LIPG: variants seen among roughly 807,000 people sequenced by gnomAD.
The protein encoded by LIPG is endothelial lipase.
In LIPG, 34 loss-of-function variants were observed where a neutral mutation model predicts 51.8. That is an observed-to-expected ratio of 0.66 (90% CI 0.50 to 0.87). The LOEUF is 0.87. Ranked by LOEUF, LIPG falls within the 40% of genes least tolerant of loss-of-function variation. The probability of loss-of-function intolerance (pLI) is 0.00; values close to 1 mark genes in which losing one functional copy is unlikely to be tolerated. For synonymous variants in LIPG, 246 were observed against 246.1 expected (o/e 1.00, Z 0.00); for missense variants, 580 against 652.7 (o/e 0.89, Z 1.21).
At chr18:49,584,656 G>A (rs1416806087) in intron 8 of LIPG, among the ~76,000 whole-genome samples, 1 of 152,172 alleles carries the variant, frequency 6.6e-6, no homozygotes, top group Non-Finnish European at 1.5e-5. Flanking sequence ...TGGCAGCAGA[G>A]GGAAGTGAAG....
upstream of LIPG, chr18:49,561,837 T>G: frequency 4.0e-6 from 5 of 1,253,396 alleles, no homozygotes; most frequent in Non-Finnish European, 5.0e-6. Context: ...GAGTCGCAGC[T>G]GCCTGCGGAG....
At chr18:49,585,530 A>G (rs2084871656) in intron 8 of LIPG, among the ~76,000 whole-genome samples, 1 of 152,242 alleles carries the variant, frequency 6.6e-6, no homozygotes, top group Non-Finnish European at 1.5e-5. Context: ...TAACTCCTGT[A>G]TGTAAATCAC....
chr18:49,581,523 A>G lies in LIPG; in HGVS notation c.902A>G (p.Asn301Ser), dbSNP rs749055156. The G allele has an allele frequency of 7.4e-6, 12 of 1,614,082 alleles. No individual in the cohort carries two copies. The highest frequency in any genetic ancestry group is 1.7e-5 in the Admixed American group (1 of 60,000). ...PSFAFQCTDS[N>S]RFKKGICLSC... ...TTTGCCTTCCAGTGCACTGACTCCA[A>G]TCGCTTCAAAAAGGGGATCTGTCTG... is the stretch of plus-strand genomic sequence containing the variant. Residue 301 changes from asparagine (N) to serine (S), a missense_variant, in exon 6 of 10, where the codon AAT becomes AGT. Coordinates refer to ENST00000261292, the MANE Select transcript of LIPG (RefSeq NM_006033.4).
intron 4 of LIPG, among the ~76,000 whole-genome samples, chr18:49,571,692 C>G (rs192578874): frequency 8.5e-5 from 13 of 152,224 alleles, no homozygotes; most frequent in African/African-American, 2.9e-4. Context: ...ACAAGGTGAT[C>G]GCAACTGGTA....
Position 49,586,804 on chromosome 18 carries a change from T to A in LIPG, c.1435T>A (p.Trp479Arg). The A allele has an allele frequency of 6.2e-7, 1 of 1,614,134 alleles. No homozygotes were observed. The highest frequency in any genetic ancestry group is 1.3e-5 in the African/African-American group (1 of 75,042). ...CAGCATATCCCCAGGCCGGGAGCTC[T>A]GGTTTCGCAAGTGTCGGGATGGCTG... is the stretch of plus-strand genomic sequence containing the variant. ...NTSISPGREL[W>R]FRKCRDGWRM... The change falls in exon 9 of 10, where the codon TGG becomes AGG. Residue 479 changes from tryptophan (W) to arginine (R), a missense_variant. Coordinates refer to ENST00000261292, the MANE Select transcript of LIPG (RefSeq NM_006033.4).
rs2084932103 is a variant in LIPG, at chr18:49,590,585, G to A, written c.*63G>A. On this transcript the variant is annotated 3_prime_UTR_variant, in exon 10 of 10. Coordinates refer to ENST00000261292, the MANE Select transcript of LIPG (RefSeq NM_006033.4). ...CTTCCTGCTATCCAAGCCCATGGAGGAAAGTTACTGCTGAGGACCCACCCA... is the reference window on the plus strand; with the variant it reads ...CTTCCTGCTATCCAAGCCCATGGAGAAAAGTTACTGCTGAGGACCCACCCA... 1 of 1,520,350 alleles carries A rather than the reference G, an allele frequency of 6.6e-7. No homozygotes were observed. The highest frequency in any genetic ancestry group is 9.0e-7 in the Non-Finnish European group (1 of 1,114,060). 94.2% of individuals were successfully genotyped at this position (1,520,350 alleles called of 1,614,324 possible).
In LIPG at chr18:49,590,673, C is replaced by A. The variant is rs1600573083; in HGVS notation, c.*151C>A. 9 of 804,296 alleles carry A rather than the reference C, an allele frequency of 1.1e-5. No homozygotes were observed. The East Asian group carries it at 2.4e-4, about 21-fold the overall frequency. The allele number at this position is 804,296 out of a possible 1,614,324, so 49.8% of individuals were successfully genotyped here. ...GGGAACAACTGGTCTCCTGTGATGG[C>A]TGGGACTCCTCGCGGGAGGGGACTG... On this transcript the variant is annotated 3_prime_UTR_variant, in exon 10 of 10. Coordinates refer to ENST00000261292, the MANE Select transcript of LIPG (RefSeq NM_006033.4).
intron 7 of LIPG, among the ~76,000 whole-genome samples, 157 bp from the exon 8 acceptor site, chr18:49,583,399 T>A (rs564022684): frequency 6.6e-6 from 1 of 152,172 alleles, no homozygotes; most frequent in South Asian, 2.1e-4. Context: ...TCCATCTTGG[T>A]CCTGTTGATA....
At chr18:49,577,710 T>C (rs1465129121) in intron 5 of LIPG, among the ~76,000 whole-genome samples, 1 of 73,962 alleles carries the variant, frequency 1.4e-5, no homozygotes, top group East Asian at 3.2e-4. Context: ...CCCCCCAACC[T>C]CCCTCCCGGA....
At position 49,596,027 on chromosome 18, in the gene LIPG, G is replaced by A. The variant is rs987044583; in HGVS notation, c.*5505G>A. 6.6e-6 allele frequency: 1 copy of A among 151,862 alleles called. No homozygotes were observed. The highest frequency in any genetic ancestry group is 2.4e-5 in the African/African-American group (1 of 41,316). The allele number at this position is 151,862 out of a possible 1,614,324, so 9.4% of individuals were successfully genotyped here. On this transcript the variant is annotated 3_prime_UTR_variant, in exon 10 of 10. Transcript: ENST00000261292. ...AAGATGAATTCCAAAATACCTATTGGGTACTATGCTTATTACCTGAGTGAC... is the reference window on the plus strand; with the variant it reads ...AAGATGAATTCCAAAATACCTATTGAGTACTATGCTTATTACCTGAGTGAC...
At chr18:49,569,334 C>T (rs2084638928) in intron 3 of LIPG, 103 bp from the exon 4 acceptor site, 2 of 951,662 alleles carry the variant, frequency 2.1e-6, no homozygotes, top group African/African-American at 3.2e-5. Flanking sequence ...GCCCACGGCC[C>T]CTGCATCTCC....
Position 49,567,501 on chromosome 18 carries a change from GA to G in LIPG, c.342del (p.Asp115ThrfsTer4). 1.2e-6 allele frequency: 2 copies of G among 1,614,164 alleles called. No homozygotes were observed. Among genetic ancestry groups the G allele is most frequent in the Non-Finnish European group, 1.7e-6 (2 of 1,180,026 alleles). On this transcript the variant is annotated frameshift_variant, in exon 3 of 10. Coordinates refer to ENST00000261292, the MANE Select transcript of LIPG (RefSeq NM_006033.4). LOFTEE classifies it high-confidence loss of function. ...TCGTGTCAGCCCTGCACACAAGAGA[GA>G]AAGACGCCAATGTAGTTGTGGTTGA... ...KLVSALHTRE[K>X]DANVVVVDWL...
At chr18:49,565,116 C>T (rs2084588663) in intron 1 of LIPG, among the ~76,000 whole-genome samples, 3 of 152,216 alleles carry the variant, frequency 2.0e-5, no homozygotes, top group African/African-American at 7.2e-5. Context: ...CTAATTAATA[C>T]TCTTTAAGTA....
chr18:49,565,874 A>T (rs1422345814), intron 2 of LIPG, among the ~76,000 whole-genome samples: 4 of 152,184 alleles, frequency 2.6e-5, no homozygotes, highest in Non-Finnish European at 5.9e-5. Flanking sequence ...TGGCTCTGAG[A>T]ACCTATGAGT....
In LIPG at chr18:49,581,438, G is replaced by T. The variant is rs1405804863; in HGVS notation, c.817G>T (p.Glu273Ter). The change falls in exon 6 of 10, where the codon GAG becomes TAG. Residue 273 changes from glutamate to a stop codon, truncating the protein, a stop_gained. Transcript: ENST00000261292. LOFTEE classifies it high-confidence loss of function. ...YGTITEVVKC[E>*]HERAVHLFVD... ...AGCAATCACAGAGGTGGTAAAATGT[G>T]AGCATGAGCGAGCCGTCCACCTCTT... 5.6e-6 allele frequency: 9 copies of T among 1,614,174 alleles called. No homozygotes were observed. The highest frequency in any genetic ancestry group is 6.8e-6 in the Non-Finnish European group (8 of 1,180,042).
chr18:49,578,956 G>T (rs1266522420), intron 5 of LIPG, among the ~76,000 whole-genome samples: 1 of 124,724 alleles, frequency 8.0e-6, no homozygotes, highest in South Asian at 2.9e-4. Context: ...AGCCGAGATG[G>T]CAGCAGTACA....
rs570301370 is a variant in LIPG at position 49,590,220 on chromosome 18, G to A, written c.1482-281G>A. 1,440 of 529,926 alleles carry A rather than the reference G, an allele frequency of 2.7e-3. 4 individuals are homozygous for A. The highest frequency in any genetic ancestry group is 4.3e-3 in the Non-Finnish European group (1,227 of 286,840). The allele number at this position is 529,926 out of a possible 1,614,324, so 32.8% of individuals were successfully genotyped here. A position where few individuals can be genotyped will look rare whatever the true frequency, so the allele number is the denominator to read the frequency against. On this transcript the variant is annotated intron_variant, in intron 9 of 9. Coordinates refer to ENST00000261292, the MANE Select transcript of LIPG (RefSeq NM_006033.4). ...GTGTGTGTGTGTGTATGTTGTGGGT[G>A]GATAATATGTAAATGCAAGAACTGT...
At chr18:49,577,864 C>G (rs1340841460) in intron 5 of LIPG, among the ~76,000 whole-genome samples, 1 of 118,092 alleles carries the variant, frequency 8.5e-6, no homozygotes, top group Non-Finnish European at 1.8e-5. Flanking sequence ...CCATCTCCCT[C>G]CCAGACGGGG....
At chr18:49,586,068 C>T (rs980933616) in intron 8 of LIPG, among the ~76,000 whole-genome samples, 5 of 152,196 alleles carry the variant, frequency 3.3e-5, no homozygotes, top group South Asian at 2.1e-4. Context: ...GCTAATCACA[C>T]GCCCCTGAGG....
Sources: allele counts gnomAD v4.1 joint callset (sites outside exome capture counted in the v4.1 genomes callset), GRCh38; gene constraint gnomAD v4.1.1; transcripts MANE v1.5; gene names NCBI Gene and HGNC (gene_info 2026-07-23, HGNC 2026-07-21).